Variants in HS3ST5 observed in about 807,000 individuals in gnomAD.
HS3ST5 encodes heparan sulfate glucosamine 3-O-sulfotransferase 5.
HS3ST5 carries 10 observed loss-of-function variants against 25.4 expected under a neutral mutation model. The observed-to-expected ratio is 0.39, with a 90% CI of 0.24 to 0.67. The LOEUF (loss-of-function observed/expected upper bound fraction) is 0.67, where lower values mean the gene tolerates loss of function less well. Among genes scored for constraint, HS3ST5 ranks in the 30% least tolerant of loss-of-function variants. The pLI is 0.44. For missense variants in HS3ST5, 324 were observed against 420.7 expected (o/e 0.77, Z 2.01); for synonymous variants, 170 against 162.4 (o/e 1.05, Z -0.36).
chr6:114,217,809 C>T (rs1415214206), intron 2 of HS3ST5, among the ~76,000 whole-genome samples: 1 of 152,158 alleles, frequency 6.6e-6, no homozygotes, highest in Non-Finnish European at 1.5e-5. Context: ...TTCATAATCA[C>T]TATTCTATAC....
At chr6:114,161,575 A>ATATATATATATATAT (rs60732374) in intron 3 of HS3ST5, among the ~76,000 whole-genome samples, 12 of 107,836 alleles carry the variant, frequency 1.1e-4, no homozygotes, top group South Asian at 3.1e-4. Flanking sequence ...ATATATATAT[A>ATATATATATATATAT]AAATGCAATG....
chr6:114,247,216 T>C (rs1772421541), intron 1 of HS3ST5, among the ~76,000 whole-genome samples: 1 of 152,188 alleles, frequency 6.6e-6, no homozygotes, highest in Non-Finnish European at 1.5e-5. Context: ...ACGGTGGTTC[T>C]TCAGCTTTCA....
chr6:114,271,999 T>A (rs1218531886), intron 1 of HS3ST5, among the ~76,000 whole-genome samples: 1 of 152,166 alleles, frequency 6.6e-6, no homozygotes, highest in Admixed American at 6.5e-5. Context: ...GGATAGTGGA[T>A]GACACTGGTG....
At chr6:114,331,515 G>T (rs1776395367) in intron 1 of HS3ST5, among the ~76,000 whole-genome samples, 1 of 152,042 alleles carries the variant, frequency 6.6e-6, no homozygotes, top group African/African-American at 2.4e-5. Context: ...TATACAAGAA[G>T]TCACCTAAAA....
chr6:114,241,200 G>T (rs560332164), intron 1 of HS3ST5, among the ~76,000 whole-genome samples: 2 of 139,454 alleles, frequency 1.4e-5, no homozygotes, highest in South Asian at 4.5e-4. Context: ...TTGCCAGGAC[G>T]CTTTCAAATT....
intron 3 of HS3ST5, among the ~76,000 whole-genome samples, chr6:114,136,582 A>C (rs1777626418): frequency 6.6e-6 from 1 of 152,166 alleles, no homozygotes; most frequent in African/African-American, 2.4e-5. Flanking sequence ...TATTGAAGTG[A>C]ATTGGGCATT....
At chr6:114,083,865 G>A (rs1383811408) in intron 3 of HS3ST5, among the ~76,000 whole-genome samples, 1 of 151,986 alleles carries the variant, frequency 6.6e-6, no homozygotes, top group African/African-American at 2.4e-5. Context: ...AATAACCTAT[G>A]TTTCATGTTT....
intron 3 of HS3ST5, among the ~76,000 whole-genome samples, chr6:114,067,399 G>C (rs1773516632): frequency 6.6e-6 from 1 of 152,088 alleles, no homozygotes; most frequent in African/African-American, 2.4e-5. Context: ...AAACATGACA[G>C]AATGTGAAGC....
intron 3 of HS3ST5, among the ~76,000 whole-genome samples, chr6:114,106,796 T>C (rs1157353461): frequency 2.6e-5 from 4 of 152,114 alleles, no homozygotes; most frequent in Admixed American, 1.3e-4. Context: ...CATCTATTCC[T>C]AGAAAATAAT....
At chr6:114,284,526 T>C (rs1239556449) in intron 1 of HS3ST5, among the ~76,000 whole-genome samples, 2 of 152,072 alleles carry the variant, frequency 1.3e-5, no homozygotes, top group East Asian at 1.9e-4. Context: ...CTCTCTACTA[T>C]GCATTGCCTC....
At chr6:114,074,695 A>G (rs948664481) in intron 3 of HS3ST5, among the ~76,000 whole-genome samples, 5 of 152,132 alleles carry the variant, frequency 3.3e-5, no homozygotes, top group Admixed American at 2.6e-4. Flanking sequence ...TATGTTCTCT[A>G]AATAAAATAA....
intron 3 of HS3ST5, among the ~76,000 whole-genome samples, chr6:114,159,891 A>AGAAACAAATATGTTTGATGAG (rs1778858553): frequency 6.6e-6 from 1 of 152,236 alleles, no homozygotes; most frequent in African/African-American, 2.4e-5. Context: ...CATTTGCTAA[A>AGAAACAAATATGTTTGATGAG]GAAACAAATA....
At chr6:114,268,650 G>C (rs535107259) in intron 1 of HS3ST5, among the ~76,000 whole-genome samples, 1 of 152,186 alleles carries the variant, frequency 6.6e-6, no homozygotes, top group South Asian at 2.1e-4. Flanking sequence ...CTTGCAGCTC[G>C]TCATTTCTTT....
chr6:114,280,063 G>A (rs918155574), intron 1 of HS3ST5, among the ~76,000 whole-genome samples: 2 of 151,782 alleles, frequency 1.3e-5, no homozygotes, highest in Non-Finnish European at 2.9e-5. Flanking sequence ...GCCTGGGAGG[G>A]CTTCCCAAAG....
At position 114,057,120 on chromosome 6, in the gene HS3ST5, G is replaced by T. The variant is rs1772813951; in HGVS notation, c.*137C>A. On this transcript the variant is annotated 3_prime_UTR_variant, in exon 5 of 5. Transcript: ENST00000312719. ...TAGAAAAAGAACTGATCTTATATTT[G>T]GTCACACACTGCGTATGTACAAATA... 2.2e-5 allele frequency: 13 copies of T among 579,516 alleles called. No individual in the cohort carries two copies. The highest frequency in any genetic ancestry group is 1.3e-4 in the South Asian group (4 of 30,076). 35.9% of individuals were successfully genotyped at this position (579,516 alleles called of 1,614,324 possible). A position where few individuals can be genotyped will look rare whatever the true frequency, so the allele number is the denominator to read the frequency against.
chr6:114,158,423 CTGAG>C (rs1363730884), intron 3 of HS3ST5, among the ~76,000 whole-genome samples: 13 of 152,260 alleles, frequency 8.5e-5, no homozygotes, highest in African/African-American at 2.9e-4. Context: ...CCAATAGTTA[CTGAG>C]TATTTATCAC....
intron 2 of HS3ST5, among the ~76,000 whole-genome samples, chr6:114,198,233 A>G (rs1425362822): frequency 6.6e-6 from 1 of 152,118 alleles, no homozygotes; most frequent in East Asian, 1.9e-4. Flanking sequence ...GTCAGACAAA[A>G]ATAAAGAAAA....
intron 1 of HS3ST5, among the ~76,000 whole-genome samples, chr6:114,297,574 A>G (rs1341317644): frequency 3.9e-5 from 6 of 152,182 alleles, no homozygotes; most frequent in Non-Finnish European, 8.8e-5. Context: ...CAATGAATTT[A>G]CCCATATCTA....
At chr6:114,111,982 C>A (rs570560096) in intron 3 of HS3ST5, among the ~76,000 whole-genome samples, 1 of 152,040 alleles carries the variant, frequency 6.6e-6, no homozygotes, top group African/African-American at 2.4e-5. Flanking sequence ...TCCTCCTTGC[C>A]GTCCTTCTCA....
Sources: allele counts gnomAD v4.1 joint callset (sites outside exome capture counted in the v4.1 genomes callset), GRCh38; gene constraint gnomAD v4.1.1; transcripts MANE v1.5; gene names NCBI Gene and HGNC (gene_info 2026-07-23, HGNC 2026-07-21).